Variants in NFATC1 observed in about 807,000 individuals in gnomAD.
The protein encoded by NFATC1 is nuclear factor of activated T-cells, cytoplasmic 1.
Under a neutral mutation model 76.0 loss-of-function variants are expected in NFATC1, and 22 were observed. The ratio of observed to expected loss-of-function variants is 0.29; its 90% CI spans 0.21 to 0.41. The LOEUF is 0.41. Ranked by LOEUF, NFATC1 falls within the 10% of genes least tolerant of loss-of-function variation. The pLI is 1.00. For synonymous variants in NFATC1, 704 were observed against 613.1 expected, an observed-to-expected ratio of 1.15 and a Z score of -2.19; for missense variants, 1,357 against 1,337.7, an observed-to-expected ratio of 1.01 and a Z score of -0.23.
chr18:79,501,523 T>C (rs367818169), intron 9 of NFATC1, among the ~76,000 whole-genome samples: 26 of 152,258 alleles, frequency 1.7e-4, no homozygotes, highest in African/African-American at 6.0e-4. Flanking sequence ...GCAACCGGAA[T>C]GGACAGGAAA....
chr18:79,443,454 C>G (rs1005099293), intron 3 of NFATC1, among the ~76,000 whole-genome samples: 1 of 152,250 alleles, frequency 6.6e-6, no homozygotes, highest in African/African-American at 2.4e-5. Flanking sequence ...GTGCAGGAAA[C>G]TGCATGGACA....
intron 2 of NFATC1, among the ~76,000 whole-genome samples, chr18:79,419,448 C>A (rs1397399743): frequency 1.4e-5 from 2 of 144,602 alleles, no homozygotes; most frequent in East Asian, 4.0e-4. Flanking sequence ...CGGGAGCCCC[C>A]CTAGGAGGGC....
At chr18:79,427,609 T>G (rs1449964095) in intron 2 of NFATC1, among the ~76,000 whole-genome samples, 42 of 31,358 alleles carry the variant, frequency 1.3e-3, no homozygotes, top group African/African-American at 1.8e-3. Context: ...GTGCAGCGGG[T>G]GGGGGAGAGC....
intron 3 of NFATC1, among the ~76,000 whole-genome samples, chr18:79,443,058 G>A (rs959650614): frequency 6.6e-6 from 1 of 152,230 alleles, no homozygotes; most frequent in African/African-American, 2.4e-5. Context: ...GACTGAGCCT[G>A]TGGCTGAGTG....
Position 79,527,690 on chromosome 18 carries a change from T to C in NFATC1, c.*113T>C, listed in dbSNP as rs142377861. On this transcript the variant is annotated 3_prime_UTR_variant, in exon 10 of 10. Transcript: ENST00000427363. Reference sequence around the variant, plus strand: ...GTACCACTCAGAACCTCCAACTGACTGAATGCCAGGAGCTGAACATTAATA... The same window carrying C: ...GTACCACTCAGAACCTCCAACTGACCGAATGCCAGGAGCTGAACATTAATA... 754 of 929,560 alleles carry C rather than the reference T, an allele frequency of 8.1e-4. 4 individuals are homozygous for C. The highest frequency in any genetic ancestry group is 4.9e-3 in the South Asian group (357 of 72,176). 57.6% of individuals were successfully genotyped at this position (929,560 alleles called of 1,614,324 possible). A position where few individuals can be genotyped will look rare whatever the true frequency, so the allele number is the denominator to read the frequency against.
chr18:79,433,378 A>G (rs931171302), intron 2 of NFATC1, among the ~76,000 whole-genome samples: 2 of 152,164 alleles, frequency 1.3e-5, no homozygotes, highest in African/African-American at 2.4e-5. Flanking sequence ...AAATGTTTCC[A>G]TCTTAGAGAA....
chr18:79,476,001 G>A (rs536003066), intron 8 of NFATC1, among the ~76,000 whole-genome samples: 7 of 152,326 alleles, frequency 4.6e-5, no homozygotes, highest in South Asian at 4.1e-4. Flanking sequence ...GGGGCTGGGC[G>A]AGTCTGGCTC....
rs571001038 is a variant in NFATC1, at chr18:79,520,536, G to C, written c.2783-6992G>C. ...GCAGCAGAAGACTCTGTGTGTGGGG[G>C]GGGGAGGGTGCATCCACCACTAATG... On this transcript the variant is annotated intron_variant, in intron 9 of 9. Transcript: ENST00000427363. 4.6e-5 allele frequency among the ~76,000 whole-genome samples: 7 copies of C among 150,962 alleles called. No homozygotes were observed. The South Asian group carries it at 1.3e-3, about 28-fold the overall frequency.
At chr18:79,433,395 G>A (rs908981241) in intron 2 of NFATC1, among the ~76,000 whole-genome samples, 184 bp from the exon 3 acceptor site, 16 of 152,350 alleles carry the variant, frequency 1.1e-4, no homozygotes, top group Non-Finnish European at 2.2e-4. Context: ...AGAACTGGCC[G>A]GGCCGTGGCC....
At chr18:79,464,706 A>ATTTT (rs200598018) in intron 7 of NFATC1, among the ~76,000 whole-genome samples, 8 of 81,728 alleles carry the variant, frequency 9.8e-5, no homozygotes, top group East Asian at 3.7e-4. Flanking sequence ...TTATTTATTT[A>ATTTT]TTTATTTTTT....
At chr18:79,423,450 C>T (rs546236785) in intron 2 of NFATC1, among the ~76,000 whole-genome samples, 4 of 152,300 alleles carry the variant, frequency 2.6e-5, no homozygotes, top group Non-Finnish European at 4.4e-5. Context: ...CATGCGGACC[C>T]GGGATCCACT....
At chr18:79,496,259 T>C (rs1280612650) in intron 9 of NFATC1, 1 of 152,590 alleles carries the variant, frequency 6.6e-6, no homozygotes, top group African/African-American at 2.4e-5. Context: ...CTTCCTTATT[T>C]GAGAACGAGT....
chr18:79,436,902 CG>C (rs1449943285), intron 3 of NFATC1, among the ~76,000 whole-genome samples: 1 of 152,100 alleles, frequency 6.6e-6, no homozygotes, highest in Non-Finnish European at 1.5e-5. Context: ...GTTCCCACGC[CG>C]GGGAGAGACC....
chr18:79,438,118 C>G (rs186472251), intron 3 of NFATC1, among the ~76,000 whole-genome samples: 11 of 152,326 alleles, frequency 7.2e-5, no homozygotes, highest in Non-Finnish European at 1.6e-4. Context: ...CCGCTCCGTC[C>G]GAGGAGGAGC....
intron 8 of NFATC1, among the ~76,000 whole-genome samples, chr18:79,480,338 C>T (rs1364185300): frequency 6.6e-6 from 1 of 152,130 alleles, no homozygotes; most frequent in Non-Finnish European, 1.5e-5. Flanking sequence ...GGTGGGGGGA[C>T]AGGAGCTGCC....
intron 2 of NFATC1, among the ~76,000 whole-genome samples, chr18:79,419,059 C>T (rs1188811629): frequency 3.3e-5 from 5 of 152,174 alleles, no homozygotes; most frequent in Admixed American, 3.3e-4. Flanking sequence ...GGGTCTTGCT[C>T]TGTTGTCCAG....
intron 6 of NFATC1, among the ~76,000 whole-genome samples, chr18:79,458,987 C>A (rs540221796): frequency 2.0e-5 from 3 of 152,356 alleles, no homozygotes; most frequent in East Asian, 3.9e-4. Context: ...CTCACCCTCA[C>A]CCTGGTCGAC....
Position 79,449,209 on chromosome 18 carries a change from A to T in NFATC1, c.1589+225A>T, listed in dbSNP as rs143481878. Among the ~76,000 whole-genome samples, 9 of 152,382 alleles carry T rather than the reference A, an allele frequency of 5.9e-5. No individual in the cohort carries two copies. In the East Asian group the frequency reaches 1.5e-3, roughly 26 times the overall value. On this transcript the variant is annotated intron_variant, in intron 4 of 9. Transcript: ENST00000427363. ...TATATTGCCACTTAAAATGTCAGAT[A>T]TGCAGCTATAAATACCTCCCTCTGC...
chr18:79,490,902 T>C (rs1444722415), intron 9 of NFATC1, among the ~76,000 whole-genome samples: 2 of 151,992 alleles, frequency 1.3e-5, no homozygotes, highest in African/African-American at 2.4e-5. Flanking sequence ...GGTCAGGGCC[T>C]GGGTTATGTC....
Sources: allele counts gnomAD v4.1 joint callset (sites outside exome capture counted in the v4.1 genomes callset), GRCh38; gene constraint gnomAD v4.1.1; transcripts MANE v1.5; gene names NCBI Gene and HGNC (gene_info 2026-07-23, HGNC 2026-07-21).